Variants in BBIP1 observed in about 807,000 individuals in gnomAD.
BBIP1 encodes the protein BBSome interacting protein 1, also known as BBSome-interacting protein 1.
In BBIP1, 6 loss-of-function variants were observed where a neutral mutation model predicts 8.9. The ratio of observed to expected loss-of-function variants is 0.67; its 90% confidence interval spans 0.37 to 1.33. The LOEUF (loss-of-function observed/expected upper bound fraction) is 1.33, where lower values mean the gene tolerates loss of function less well. BBIP1 is among the 40% of genes most tolerant of loss of function. The pLI, the probability that BBIP1 is intolerant of heterozygous loss-of-function variation, is 0.02. For synonymous variants in BBIP1, 32 were observed against 33.4 expected, an observed-to-expected ratio of 0.96 and a Z score of 0.14; for missense variants, 111 against 109.2, an observed-to-expected ratio of 1.02 and a Z score of -0.07.
chr10:110,918,937 G>T (rs1220506839), intron 1 of BBIP1, 184 bp downstream of exon 1: 3 of 152,294 alleles, frequency 2.0e-5, no homozygotes, highest in Admixed American at 2.0e-4. Flanking sequence ...ATTCGGAAGT[G>T]CCAAATGCAA....
chr10:110,917,418 G>C (rs897140736), intron 2 of BBIP1, among the ~76,000 whole-genome samples: 5 of 151,936 alleles, frequency 3.3e-5, no homozygotes, highest in Admixed American at 6.5e-5. Flanking sequence ...AACTTTTTAT[G>C]ACAATGAAAA....
chr10:110,901,117 C>T (rs779351696), intron 3 of BBIP1: 1 of 454,754 alleles, frequency 2.2e-6, no homozygotes, highest in South Asian at 1.6e-5. Context: ...CATTGAGATC[C>T]CTTCTCTACA....
intron 2 of BBIP1, among the ~76,000 whole-genome samples, chr10:110,917,194 ATTTTTTTTTTT>A (rs67066048): frequency 5.6e-5 from 6 of 107,972 alleles, no homozygotes; most frequent in Non-Finnish European, 5.4e-5. Context: ...CTGGATCCTG[ATTTTTTTTTTT>A]TTTTTTTTTT....
At chr10:110,918,317 A>ACT in intron 1 of BBIP1, 104 bp from the exon 2 acceptor site, 1 of 626,096 alleles carries the variant, frequency 1.6e-6, no homozygotes, top group South Asian at 2.0e-5. Flanking sequence ...ACCTGCAGGA[A>ACT]TCCCACCACC....
chr10:110,909,516 A>T (rs1846224026), intron 2 of BBIP1, among the ~76,000 whole-genome samples: 1 of 152,204 alleles, frequency 6.6e-6, no homozygotes, highest in Non-Finnish European at 1.5e-5. Context: ...CTCTTATGTC[A>T]TCTTTTGAAC....
Position 110,900,374 on chromosome 10 carries a change from G to A in BBIP1, c.265C>T (p.Gln89Ter). The A allele has an allele frequency of 1.3e-6, 2 of 1,534,594 alleles. No homozygotes were observed. The highest frequency in any genetic ancestry group is 1.7e-6 in the Non-Finnish European group (2 of 1,146,700). The change falls in exon 4 of 4, where the codon CAA (glutamine) becomes TAA (stop). Residue 89 changes from glutamine (Q) to a stop codon, truncating the protein, a stop_gained. Transcript: ENST00000448814. LOFTEE classifies it high-confidence loss of function. ...QQEMAEKDQRQITH is the reference protein window; with the variant it reads ...QQEMAEKDQR ...TCAGTTATCATTCAGTGGGTTATTT[G>A]CCGTTGATCCTTTTCTGCCATTTCT... is the stretch of plus-strand genomic sequence containing the variant.
intron 2 of BBIP1, chr10:110,901,954 G>T (rs951493713): frequency 4.6e-6 from 1 of 217,120 alleles, no homozygotes; most frequent in Non-Finnish European, 9.5e-6. Flanking sequence ...GTGGTTCGTT[G>T]ATAGCATCTC....
chr10:110,906,440 T>C (rs1408912250), intron 2 of BBIP1: 1 of 152,274 alleles, frequency 6.6e-6, no homozygotes, highest in Non-Finnish European at 1.5e-5. Context: ...TACACATTGA[T>C]AAAGCAATTG....
chr10:110,913,497 G>A (rs775586394), intron 2 of BBIP1, among the ~76,000 whole-genome samples: 7 of 152,138 alleles, frequency 4.6e-5, no homozygotes, highest in East Asian at 3.8e-4. Context: ...GAAGCAGCAC[G>A]TGCTGCCAAA....
rs1846342202 is a variant in BBIP1, at chr10:110,914,230, C to T, written c.37+3891G>A. Among the ~76,000 whole-genome samples, 3 of 151,984 alleles carry T rather than the reference C, an allele frequency of 2.0e-5. No individual in the cohort carries two copies. The East Asian group carries it at 5.8e-4, about 29-fold the overall frequency. On this transcript the variant is annotated intron_variant, in intron 2 of 3. Transcript: ENST00000448814. ...AAGGAGTAGTCAGGAGCAATCATGG[C>T]CATGGACTGTAAAGGATACTTTATG... is the stretch of plus-strand genomic sequence containing the variant.
chr10:110,900,393 C>G lies in BBIP1; in HGVS notation c.246G>C (p.Met82Ile). ...AAQNTIRQQE[M>I]AEKDQRQITH is the part of the protein sequence containing the mutation. ...TTATTTGCCGTTGATCCTTTTCTGCCATTTCTTGTTGGCGAATTGTATTCT... is the reference window on the plus strand; with the variant it reads ...TTATTTGCCGTTGATCCTTTTCTGCGATTTCTTGTTGGCGAATTGTATTCT... Residue 82 changes from methionine (M) to isoleucine (I), a missense_variant, in exon 4 of 4, where the codon ATG becomes ATC. Physicochemically the swap from Met to Ile is conservative, Grantham distance 10 (BLOSUM62 1). Coordinates refer to ENST00000448814, the MANE Select transcript of BBIP1 (RefSeq NM_001195305.3). The G allele has an allele frequency of 6.5e-7, 1 of 1,535,238 alleles. No homozygotes were observed. Among genetic ancestry groups the G allele is most frequent in the East Asian group, 2.4e-5 (1 of 40,860 alleles).
At chr10:110,917,194 ATTTTTTTTT>A (rs67066048) in intron 2 of BBIP1, among the ~76,000 whole-genome samples, 20 of 107,972 alleles carry the variant, frequency 1.9e-4, no homozygotes, top group Middle Eastern at 4.9e-3. Flanking sequence ...CTGGATCCTG[ATTTTTTTTT>A]TTTTTTTTTT....
In BBIP1 at chr10:110,899,801, A is replaced by G. The variant is rs1845939519; in HGVS notation, c.*559T>C. The G allele has an allele frequency of 6.6e-6, 1 of 152,080 alleles. No individual in the cohort carries two copies. The highest frequency in any genetic ancestry group is 2.1e-4 in the South Asian group (1 of 4,826). The allele number at this position is 152,080 out of a possible 1,614,324, so 9.4% of individuals were successfully genotyped here. On this transcript the variant is annotated 3_prime_UTR_variant, in exon 4 of 4. Coordinates refer to ENST00000448814, the MANE Select transcript of BBIP1 (RefSeq NM_001195305.3). ...CAAGAGTGAAACTCTTGTCTCAAAA[A>G]AAAAAAAAAATGAGGTTTAAGACAG...
chr10:110,901,835 T>G, intron 2 of BBIP1: 1 of 489,296 alleles, frequency 2.0e-6, no homozygotes, highest in Non-Finnish European at 3.7e-6. Context: ...ACTACAAGGC[T>G]AGGTGTTGTA....
intron 2 of BBIP1, chr10:110,907,541 GA>G: frequency 2.2e-6 from 1 of 460,154 alleles, no homozygotes; most frequent in Middle Eastern, 3.3e-4. Flanking sequence ...GAAAAGAAAA[GA>G]AAGAAAAATG....
intron 3 of BBIP1, chr10:110,901,237 G>A: frequency 2.4e-6 from 1 of 415,078 alleles, no homozygotes; most frequent in Non-Finnish European, 4.6e-6. Context: ...CTACGGTTGT[G>A]CCAGCTGTAC....
intron 2 of BBIP1, chr10:110,907,112 T>A (rs1846163003): frequency 6.6e-6 from 1 of 152,278 alleles, no homozygotes; most frequent in Non-Finnish European, 1.5e-5. Flanking sequence ...TACCAGTGTT[T>A]CCTTGTCTCT....
chr10:110,903,382 G>A (rs536738549), intron 2 of BBIP1: 7 of 152,294 alleles, frequency 4.6e-5, no homozygotes, highest in Non-Finnish European at 1.0e-4. Context: ...AAAGGGTGTG[G>A]AGCCAAAGGG....
In BBIP1 at chr10:110,900,263, G is replaced by T; in HGVS notation, c.*97C>A. 8.8e-7 allele frequency: 1 copy of T among 1,140,884 alleles called. No homozygotes were observed. Among genetic ancestry groups the T allele is most frequent in the East Asian group, 2.7e-5 (1 of 37,194 alleles). The allele number at this position is 1,140,884 out of a possible 1,614,324, so 70.7% of individuals were successfully genotyped here. Reference sequence around the variant, plus strand: ...TTCTATGAATACTATCAATTTTATTGATAACACATACTACTTTCAGCACAC... The same window carrying T: ...TTCTATGAATACTATCAATTTTATTTATAACACATACTACTTTCAGCACAC... On this transcript the variant is annotated 3_prime_UTR_variant, in exon 4 of 4. Coordinates refer to ENST00000448814, the MANE Select transcript of BBIP1 (RefSeq NM_001195305.3).
Sources: allele counts gnomAD v4.1 joint callset (sites outside exome capture counted in the v4.1 genomes callset), GRCh38; gene constraint gnomAD v4.1.1; transcripts MANE v1.5; gene names NCBI Gene and HGNC (gene_info 2026-07-23, HGNC 2026-07-21).